Variants in ZNF638 observed in about 807,000 individuals in gnomAD.
The protein encoded by ZNF638 is zinc finger protein 638, also known as CTCL tumor antigen se33-1.
In ZNF638, 46 loss-of-function variants were observed where a neutral mutation model predicts 195.6. That is an observed-to-expected ratio of 0.24 (90% confidence interval 0.19 to 0.30). ZNF638 has a LOEUF of 0.30. ZNF638 is among the 10% of genes least tolerant of loss of function. The pLI, the probability that ZNF638 is intolerant of heterozygous loss-of-function variation, is 1.00. For missense variants in ZNF638, 2,440 were observed against 2,325.3 expected, an observed-to-expected ratio of 1.05 and a Z score of -1.01; for synonymous variants, 845 against 772.0, an observed-to-expected ratio of 1.09 and a Z score of -1.57.
chr2:71,405,710 C>G, intron 18 of ZNF638, 68 bp downstream of exon 18: 1 of 1,179,242 alleles, frequency 8.5e-7, no homozygotes, highest in Non-Finnish European at 1.2e-6. Context: ...TACTTGTTTG[C>G]CTTTTAGGAA....
rs149276894 is a variant in ZNF638 at position 71,386,855 on chromosome 2, T to C, written c.2377+6290T>C. Among the ~76,000 whole-genome samples, 21 of 152,212 alleles carry C rather than the reference T, an allele frequency of 1.4e-4. 1 individual carries two copies. In the East Asian group the frequency reaches 3.1e-3, roughly 22 times the overall value. ...TTCACTGTTATAAGATGCCTTTTTT[T>C]TCTTTTTTTCTTTTCTTCTTTTTTT... On this transcript the variant is annotated intron_variant, in intron 10 of 27. Coordinates refer to ENST00000264447, the MANE Select transcript of ZNF638 (RefSeq NM_014497.5).
At chr2:71,395,380 G>A (rs187241586) in intron 10 of ZNF638, 3 of 698,716 alleles carry the variant, frequency 4.3e-6, no homozygotes, top group East Asian at 2.7e-5. Flanking sequence ...TCAGGGTGGT[G>A]GGAAAAGTTA....
At chr2:71,395,212 A>T (rs1171897810) in intron 10 of ZNF638, 4 of 716,986 alleles carry the variant, frequency 5.6e-6, no homozygotes, top group Non-Finnish European at 1.0e-5. Flanking sequence ...TACTAATTAT[A>T]CTCATGTTTG....
At position 71,372,073 on chromosome 2, in the gene ZNF638, A is replaced by G. The variant is rs553709631; in HGVS notation, c.2265+2068A>G. 3.9e-5 allele frequency among the ~76,000 whole-genome samples: 6 copies of G among 152,078 alleles called. No homozygotes were observed. In the East Asian group the frequency reaches 9.6e-4, roughly 24 times the overall value. On this transcript the variant is annotated intron_variant, in intron 8 of 27. Coordinates refer to ENST00000264447, the MANE Select transcript of ZNF638 (RefSeq NM_014497.5). ...AGATAAAAGTCTTTAATCTATTTTTATTTGATTTTTGTATATGGTGAGAGA... is the reference window on the plus strand; with the variant it reads ...AGATAAAAGTCTTTAATCTATTTTTGTTTGATTTTTGTATATGGTGAGAGA...
intron 11 of ZNF638, among the ~76,000 whole-genome samples, chr2:71,398,160 A>G (rs968908636): frequency 1.3e-5 from 2 of 152,156 alleles, no homozygotes; most frequent in African/African-American, 4.8e-5. Flanking sequence ...CTTATCCAAA[A>G]TGGTTGGGAG....
At chr2:71,383,356 C>G (rs931794795) in intron 10 of ZNF638, among the ~76,000 whole-genome samples, 4 of 152,094 alleles carry the variant, frequency 2.6e-5, no homozygotes, top group Non-Finnish European at 4.4e-5. Flanking sequence ...GAGATAGATT[C>G]AGAAAGGTTA....
At chr2:71,356,324 G>A (rs912382756) in intron 3 of ZNF638, among the ~76,000 whole-genome samples, 1 of 152,154 alleles carries the variant, frequency 6.6e-6, no homozygotes, top group African/African-American at 2.4e-5. Context: ...ACTGGCCATA[G>A]AGGTGAAAAA....
At position 71,331,927 on chromosome 2, in the gene ZNF638, T is replaced by A. The variant is rs180917390; in HGVS notation, c.-203+52T>A. The A allele has an allele frequency of 9.5e-4, 934 of 986,016 alleles. 5 individuals are homozygous for A. The African/African-American group carries it at 0.015, about 16-fold the overall frequency. 61.1% of individuals were successfully genotyped at this position (986,016 alleles called of 1,614,324 possible). A position where few individuals can be genotyped will look rare whatever the true frequency, so the allele number is the denominator to read the frequency against. On this transcript the variant is annotated intron_variant, in intron 1 of 27. Coordinates refer to ENST00000264447, the MANE Select transcript of ZNF638 (RefSeq NM_014497.5). ...GGGGGTTGGAAGGCGGAGGCCGGTA[T>A]CGTGGGGGTCCTGAGCCCTTCCTGT...
intron 17 of ZNF638, among the ~76,000 whole-genome samples, chr2:71,404,220 A>G (rs756769690): frequency 2.0e-5 from 3 of 152,184 alleles, no homozygotes; most frequent in Non-Finnish European, 2.9e-5. Flanking sequence ...TTGGGATGGA[A>G]AAAAGGTTGC....
At position 71,331,873 on chromosome 2, in the gene ZNF638, T is replaced by C; in HGVS notation, c.-205T>C. ...GATCCAGCTGTTAGTCGGGTAGGCA[T>C]AGGTAGGACCGCTGCCCTGTGGGGA... is the stretch of plus-strand genomic sequence containing the variant. On this transcript the variant is annotated splice_region_variant and 5_prime_UTR_variant, in exon 1 of 28. Coordinates refer to ENST00000264447, the MANE Select transcript of ZNF638 (RefSeq NM_014497.5). 4 of 986,200 alleles carry C rather than the reference T, an allele frequency of 4.1e-6. No individual in the cohort carries two copies. Among genetic ancestry groups the C allele is most frequent in the Non-Finnish European group, 4.8e-6 (4 of 830,246 alleles). The allele number at this position is 986,200 out of a possible 1,614,324, so 61.1% of individuals were successfully genotyped here. A position where few individuals can be genotyped will look rare whatever the true frequency, so the allele number is the denominator to read the frequency against.
chr2:71,388,773 G>A, intron 10 of ZNF638: 1 of 941,084 alleles, frequency 1.1e-6, no homozygotes, highest in Non-Finnish European at 1.7e-6. Flanking sequence ...GGAATTCTCA[G>A]ACTAGAGTTT....
intron 21 of ZNF638, among the ~76,000 whole-genome samples, chr2:71,421,456 A>C (rs1296616956): frequency 6.6e-6 from 1 of 152,174 alleles, no homozygotes; most frequent in Admixed American, 6.5e-5. Context: ...GTATTTCTCT[A>C]ATCTGGTAGA....
At position 71,364,197 on chromosome 2, in the gene ZNF638, A is replaced by G. The variant is rs1344541235; in HGVS notation, c.1662A>G (p.Lys554=). 7.4e-6 allele frequency: 12 copies of G among 1,614,112 alleles called. No homozygotes were observed. The highest frequency in any genetic ancestry group is 9.3e-6 in the Non-Finnish European group (11 of 1,180,046). ...RIRNPFRGSP[K]CFRSVSPERM... Reference sequence around the variant, plus strand: ...GAAATCCATTTAGAGGTAGTCCAAAATGCTTTCGATCAGTTAGCCCTGAGA... The same window carrying G: ...GAAATCCATTTAGAGGTAGTCCAAAGTGCTTTCGATCAGTTAGCCCTGAGA... Residue 554 remains lysine (K), a synonymous_variant, in exon 5 of 28, where the codon AAA becomes AAG. Transcript: ENST00000264447.
intron 3 of ZNF638, among the ~76,000 whole-genome samples, chr2:71,359,745 T>C (rs1186146847): frequency 6.6e-6 from 1 of 152,226 alleles, no homozygotes; most frequent in Non-Finnish European, 1.5e-5. Context: ...CTGCATTCTT[T>C]ATTCTTTTAA....
At position 71,408,165 on chromosome 2, in the gene ZNF638, A is replaced by G. The variant is rs780559545; in HGVS notation, c.3179A>G (p.Tyr1060Cys). 2.5e-6 allele frequency: 4 copies of G among 1,613,378 alleles called. No individual in the cohort carries two copies. Among genetic ancestry groups the G allele is most frequent in the Non-Finnish European group, 8.5e-7 (1 of 1,179,624 alleles). ...AGTCCTGAATCTGCTCAGTCAATGT[A>G]TAGCTTTCTGAAACAAAATCCACAA... ...LDSPESAQSM[Y>C]SFLKQNPQNI... The change falls in exon 20 of 28, where the codon TAT becomes TGT. Residue 1060 changes from tyrosine (Y) to cysteine (C), a missense_variant. Physicochemically the swap from Tyr to Cys is radical, Grantham distance 194. Around this residue, in one of 5 missense-constraint regions of ZNF638, gnomAD observed 1,883 missense variants for 1,739.1 expected, o/e 1.08. Coordinates refer to ENST00000264447, the MANE Select transcript of ZNF638 (RefSeq NM_014497.5).
intron 1 of ZNF638, chr2:71,333,178 A>C (rs2078603707): frequency 1.3e-5 from 2 of 152,212 alleles, no homozygotes; most frequent in Non-Finnish European, 2.9e-5. Flanking sequence ...TAGTGGACTT[A>C]TGTTGCTGTC....
At chr2:71,337,136 A>G (rs1044533241) in intron 1 of ZNF638, among the ~76,000 whole-genome samples, 12 of 143,824 alleles carry the variant, frequency 8.3e-5, no homozygotes, top group Admixed American at 8.2e-4. Flanking sequence ...TATTGCCTAT[A>G]GTTTTTTTTT....
At chr2:71,376,891 G>A (rs1283140740) in intron 8 of ZNF638, among the ~76,000 whole-genome samples, 1 of 151,964 alleles carries the variant, frequency 6.6e-6, no homozygotes, top group Non-Finnish European at 1.5e-5. Flanking sequence ...GCTACTCCTT[G>A]CCCCACCGTT....
chr2:71,384,250 C>T (rs558573637), intron 10 of ZNF638, among the ~76,000 whole-genome samples: 2 of 152,264 alleles, frequency 1.3e-5, no homozygotes, highest in East Asian at 3.9e-4. Context: ...AAGATAGCCT[C>T]CTGACTGGTA....
Sources: gnomAD v4.1 joint callset for allele counts (sites outside exome capture counted in the v4.1 genomes callset) on GRCh38, gnomAD v4.1.1 for gene constraint, gnomAD v4.1.1 regional missense constraint, MANE v1.5 for transcripts, NCBI Gene and HGNC (gene_info 2026-07-23, HGNC 2026-07-21) for gene names.